Variants in MYCBPAP observed in about 807,000 individuals in gnomAD.
MYCBPAP encodes MYCBP-associated protein.
MYCBPAP carries 60 observed loss-of-function variants against 106.1 expected under a neutral mutation model. The observed-to-expected ratio is 0.57, with a 90% confidence interval of 0.46 to 0.70. The LOEUF (loss-of-function observed/expected upper bound fraction) is 0.70, where lower values mean the gene tolerates loss of function less well. Ranked by LOEUF, MYCBPAP falls within the 30% of genes least tolerant of loss-of-function variation. The pLI is 0.00. For synonymous variants in MYCBPAP, 407 were observed against 440.6 expected, an observed-to-expected ratio of 0.92 and a Z score of 0.95; for missense variants, 1,064 against 1,169.3, an observed-to-expected ratio of 0.91 and a Z score of 1.31.
Position 50,528,578 on chromosome 17 carries a change from A to G in MYCBPAP, c.2408-117A>G. ...TGTTTCATGAAGCCACGCGCCTACC[A>G]GGGCTCAAGGCTATTGCCCTTTGCT... On this transcript the variant is annotated intron_variant, in intron 16 of 18. Transcript: ENST00000323776. The G allele has an allele frequency of 6.6e-6, 9 of 1,362,440 alleles. No individual in the cohort carries two copies. In the South Asian group the frequency reaches 8.4e-5, roughly 13 times the overall value. 84.4% of individuals were successfully genotyped at this position (1,362,440 alleles called of 1,614,324 possible).
chr17:50,528,230 T>G lies in MYCBPAP; in HGVS notation c.2367T>G (p.Pro789=). 1 of 1,614,082 alleles carries G rather than the reference T, an allele frequency of 6.2e-7. No individual in the cohort carries two copies. Among genetic ancestry groups the G allele is most frequent in the Non-Finnish European group, 8.5e-7 (1 of 1,179,988 alleles). Residue 789 remains proline, a synonymous_variant, in exon 16 of 19, where the codon CCT becomes CCG. Transcript: ENST00000323776. ...GGCTGAGGTCTGTGCTGGGCCTGCC[T>G]GAGAAGGAGACCATCTATTTGAATG... The part of the protein sequence containing the change: ...SMWLRSVLGL[P]EKETIYLNVP...
rs1454804725 is a variant in MYCBPAP, at chr17:50,531,404, G to A, written c.2802G>A (p.Glu934=). Residue 934 remains glutamate, a synonymous_variant, in exon 19 of 19, where the codon GAG becomes GAA. Transcript: ENST00000323776. ...ADELSPIKNV[E]EALRLCR ...AGCTCAGCCCCATAAAGAATGTCGA[G>A]GAGGCTTTGCGCCTCTGCAGGTGAC... The A allele has an allele frequency of 2.5e-6, 4 of 1,613,110 alleles. No homozygotes were observed. In the African/African-American group the frequency reaches 4.0e-5, roughly 16 times the overall value.
rs1207130472 is a variant in MYCBPAP, at chr17:50,510,483, G to A, written c.76+1733G>A. ...TGTATATGTGTATATATGTGTGTGT[G>A]TGTGTGTGTGTGTGTGTATATATAT... On this transcript the variant is annotated intron_variant, in intron 1 of 18. Coordinates refer to ENST00000323776, the MANE Select transcript of MYCBPAP (RefSeq NM_032133.6). 5.2e-4 allele frequency: 54 copies of A among 103,600 alleles called. 1 individual carries two copies. Among genetic ancestry groups the A allele is most frequent in the African/African-American group, 2.2e-3 (53 of 24,310 alleles). The allele number at this position is 103,600 out of a possible 1,614,324, so 6.4% of individuals were successfully genotyped here. A position where few individuals can be genotyped will look rare whatever the true frequency, so the allele number is the denominator to read the frequency against.
At chr17:50,508,361 T>C (rs2033688942), upstream of MYCBPAP, 1 of 510,208 alleles carries the variant, frequency 2.0e-6, no homozygotes, top group Non-Finnish European at 3.3e-6. Flanking sequence ...CTCGCCCGGG[T>C]CCCCCGCCCC....
rs80039041 is a variant in MYCBPAP, at chr17:50,513,990, C to A, written c.77-2580C>A. On this transcript the variant is annotated intron_variant, in intron 1 of 18. Transcript: ENST00000323776. The stretch of plus-strand genomic sequence containing the variant: ...TTAACAGACAGATACTTCCAAACCT[C>A]TGCTGACCCCATTACAGAAACAGAC... 5.3e-4 allele frequency among the ~76,000 whole-genome samples: 80 copies of A among 152,360 alleles called. 1 individual carries two copies. The East Asian group carries it at 0.015, about 28-fold the overall frequency.
chr17:50,526,278 G>A lies in MYCBPAP; in HGVS notation c.2169+11G>A. ...GAGGACTTCAGAAAGGTGCTTCCAA[G>A]ACCCTGGAAGGCAATGGTAGAGAAT... On this transcript the variant is annotated intron_variant, in intron 14 of 18. Transcript: ENST00000323776. 1 of 1,581,506 alleles carries A rather than the reference G, an allele frequency of 6.3e-7. No homozygotes were observed. Among genetic ancestry groups the A allele is most frequent in the Non-Finnish European group, 8.6e-7 (1 of 1,168,988 alleles).
At chr17:50,508,928 C>T in intron 1 of MYCBPAP, 178 bp downstream of exon 1, 1 of 721,222 alleles carries the variant, frequency 1.4e-6, no homozygotes, top group Non-Finnish European at 2.5e-6. Context: ...CAGGAAGAGC[C>T]TACAGCGCAC....
At chr17:50,527,434 C>T (rs749363291) in intron 15 of MYCBPAP, 26 bp downstream of exon 15, 3 of 1,612,876 alleles carry the variant, frequency 1.9e-6, no homozygotes, top group Admixed American at 3.3e-5. Context: ...GGAGAGCTGC[C>T]CCATCTCCTT....
At chr17:50,511,270 G>C (rs1346995332) in intron 1 of MYCBPAP, among the ~76,000 whole-genome samples, 1 of 151,930 alleles carries the variant, frequency 6.6e-6, no homozygotes, top group Non-Finnish European at 1.5e-5. Flanking sequence ...CTGTTTCTCG[G>C]GACCTGAGAG....
At chr17:50,526,678 G>A (rs1425165296) in intron 14 of MYCBPAP, among the ~76,000 whole-genome samples, 2 of 152,294 alleles carry the variant, frequency 1.3e-5, no homozygotes, top group East Asian at 1.9e-4. Context: ...TGCCTCCCGG[G>A]TTCAAGTGAT....
intron 1 of MYCBPAP, among the ~76,000 whole-genome samples, chr17:50,514,390 G>A (rs2033967548): frequency 6.6e-6 from 1 of 152,200 alleles, no homozygotes. Flanking sequence ...ACTCCCTAAA[G>A]GCCTCAGGAC....
intron 16 of MYCBPAP, among the ~76,000 whole-genome samples, 175 bp downstream of exon 16, chr17:50,528,445 C>T (rs1186182524): frequency 6.6e-6 from 1 of 152,192 alleles, no homozygotes; most frequent in South Asian, 2.1e-4. Context: ...TACCCAGAAG[C>T]TACCTTAGTG....
chr17:50,518,548 A>G lies in MYCBPAP; in HGVS notation c.476A>G (p.Glu159Gly). The G allele has an allele frequency of 6.3e-7, 1 of 1,575,144 alleles. No homozygotes were observed. Among genetic ancestry groups the G allele is most frequent in the Non-Finnish European group, 8.6e-7 (1 of 1,165,108 alleles). ...CTATGTTGTACTTTTCAGCTGGCTG[A>G]GCGGATACCTACCTCACCCTGTCTG... is the stretch of plus-strand genomic sequence containing the variant. ...ALARGNTQLA[E>G]RIPTSPCLMT... Residue 159 changes from glutamate (E) to glycine (G), a missense_variant, in exon 5 of 19, where the codon GAG (glutamate) becomes GGG (glycine). Glu to Gly is a moderately conservative substitution (Grantham distance 98, BLOSUM62 -2). Transcript: ENST00000323776.
rs370062351 is a variant in MYCBPAP, at chr17:50,522,069, T to C, written c.1245T>C (p.Asn415=). The change falls in exon 10 of 19, where the codon AAT becomes AAC. Residue 415 remains asparagine (N), a synonymous_variant. Transcript: ENST00000323776. ...CAGCTTGCTGGATCAGAGGCAGTAA[T>C]CCACAGGACAAGGTAAAACAGCCTC... is the stretch of plus-strand genomic sequence containing the variant. The part of the protein sequence containing the change: ...GKPACWIRGS[N]PQDKRQVGIA... 6.2e-7 allele frequency: 1 copy of C among 1,613,750 alleles called. No individual in the cohort carries two copies. Among genetic ancestry groups the C allele is most frequent in the Non-Finnish European group, 8.5e-7 (1 of 1,179,792 alleles).
At chr17:50,524,205 C>T (rs1029670643) in intron 12 of MYCBPAP, among the ~76,000 whole-genome samples, 3 of 152,172 alleles carry the variant, frequency 2.0e-5, no homozygotes, top group Admixed American at 6.5e-5. Context: ...GTCTGCCCAC[C>T]GTCCCACTCA....
intron 11 of MYCBPAP, 125 bp downstream of exon 11, chr17:50,523,253 C>T: frequency 2.1e-6 from 2 of 937,506 alleles, no homozygotes; most frequent in Middle Eastern, 3.1e-4. Context: ...CTGCCTTGTC[C>T]CTCTCATTCC....
In MYCBPAP at chr17:50,518,613, G is replaced by A; in HGVS notation, c.541G>A (p.Ala181Thr). Residue 181 changes from alanine (A) to threonine (T), a missense_variant, in exon 5 of 19, where the codon GCC (alanine) becomes ACC (threonine). Ala to Thr is a moderately conservative substitution (Grantham distance 58). Coordinates refer to ENST00000323776, the MANE Select transcript of MYCBPAP (RefSeq NM_032133.6). ...TGCTGAAGGAGAGTCAAAGCAAAAA[G>A]CCCCAAAAGAAGAGAAGAGACCTCC... Reference protein sequence around the residue: ...ISAEGESKQKAPKEEKRPPWA... With the variant: ...ISAEGESKQKTPKEEKRPPWA... 6.2e-7 allele frequency: 1 copy of A among 1,609,180 alleles called. No individual in the cohort carries two copies. Among genetic ancestry groups the A allele is most frequent in the Non-Finnish European group, 8.5e-7 (1 of 1,178,520 alleles).
rs767814392 is a variant in MYCBPAP at position 50,528,989 on chromosome 17, A to G, written c.2554-29A>G. 8.1e-6 allele frequency: 13 copies of G among 1,608,104 alleles called. No homozygotes were observed. In the South Asian group the frequency reaches 1.4e-4, roughly 18 times the overall value. ...CTTGGCCTACCTCTGGAGCTCCTGAAGGCTATGTGTGTCTCCCTCCCCCAG... is the reference window on the plus strand; with the variant it reads ...CTTGGCCTACCTCTGGAGCTCCTGAGGGCTATGTGTGTCTCCCTCCCCCAG... On this transcript the variant is annotated intron_variant, in intron 17 of 18. Transcript: ENST00000323776.
rs2034454491 is a variant in MYCBPAP, at chr17:50,526,192, C to T, written c.2094C>T (p.Asp698=). 1.9e-6 allele frequency: 3 copies of T among 1,613,554 alleles called. No homozygotes were observed. The highest frequency in any genetic ancestry group is 2.5e-6 in the Non-Finnish European group (3 of 1,180,016). ...TGGTGGAGGAAAGCCCAGATGTGGACAGCACCAAGAGCCCCTGGGAGCCGG... is the reference window on the plus strand; with the variant it reads ...TGGTGGAGGAAAGCCCAGATGTGGATAGCACCAAGAGCCCCTGGGAGCCGG... ...EILVEESPDV[D]STKSPWEPDG... Residue 698 remains aspartate (D), a synonymous_variant, in exon 14 of 19, where the codon GAC becomes GAT. Coordinates refer to ENST00000323776, the MANE Select transcript of MYCBPAP (RefSeq NM_032133.6).
Sources: allele counts gnomAD v4.1 joint callset (sites outside exome capture counted in the v4.1 genomes callset), GRCh38; gene constraint gnomAD v4.1.1; transcripts MANE v1.5; gene names NCBI Gene and HGNC (gene_info 2026-07-23, HGNC 2026-07-21).